The following SERHL2 variants were observed in gnomAD, a reference collection of about 807,000 sequenced individuals.
The protein encoded by SERHL2 is serine hydrolase-like protein 2.
A neutral mutation model predicts 25.5 loss-of-function variants in SERHL2; 29 were observed. The observed-to-expected ratio is 1.14, with a 90% CI of 0.85 to 1.55. The LOEUF is 1.55. Among genes scored for constraint, SERHL2 ranks in the 40% most tolerant of loss-of-function variants. The pLI, the probability that SERHL2 is intolerant of heterozygous loss-of-function variation, is 0.00. For missense variants in SERHL2, 240 were observed against 252.3 expected (o/e 0.95, Z 0.33); for synonymous variants, 95 against 103.5 (o/e 0.92, Z 0.50).
rs199947066 is a variant in SERHL2, at chr22:42,566,333, G to A, written c.643G>A (p.Ala215Thr). 4.7e-5 allele frequency: 76 copies of A among 1,611,580 alleles called. 2 individuals are homozygous for A. Among genetic ancestry groups the A allele is most frequent in the Admixed American group, 5.0e-5 (3 of 59,982 alleles). The change falls in exon 9 of 12, where the codon GCC (alanine) becomes ACC (threonine). Residue 215 changes from alanine to threonine, a missense_variant. Coordinates refer to ENST00000327678, the MANE Select transcript of SERHL2 (RefSeq NM_014509.5). The stretch of plus-strand genomic sequence containing the variant: ...GGTTCTGAACAGAGACCAGAGGCTC[G>A]CCTGGGTGAGTACCACTGCCTCCGG... ...GLVLNRDQRL[A>T]WAENSIDFIS...
chr22:42,564,634 T>G (rs1346075379), intron 8 of SERHL2, among the ~76,000 whole-genome samples: 2 of 151,826 alleles, frequency 1.3e-5, no homozygotes, highest in African/African-American at 2.4e-5. Context: ...GTTCACCATG[T>G]TGGCCAGGCT....
At chr22:42,570,253 C>T (rs891767721) in intron 9 of SERHL2, among the ~76,000 whole-genome samples, 11 of 151,982 alleles carry the variant, frequency 7.2e-5, no homozygotes, top group Non-Finnish European at 1.6e-4. Flanking sequence ...GAAACCCTGT[C>T]GCTACTAAAA....
At chr22:42,571,623 G>A (rs893778174) in intron 10 of SERHL2, 85 of 258,736 alleles carry the variant, frequency 3.3e-4, no homozygotes, top group African/African-American at 1.7e-3. Context: ...ACGAGGTTTC[G>A]CCATGTTGGC....
chr22:42,566,543 G>A lies in SERHL2; in HGVS notation c.648+205G>A, dbSNP rs1307587557. Among the ~76,000 whole-genome samples, 7 of 147,454 alleles carry A rather than the reference G, an allele frequency of 4.7e-5. 1 individual carries two copies. Among genetic ancestry groups the A allele is most frequent in the Admixed American group, 2.0e-4 (3 of 14,716 alleles). On this transcript the variant is annotated intron_variant, in intron 9 of 11. Coordinates refer to ENST00000327678, the MANE Select transcript of SERHL2 (RefSeq NM_014509.5). Reference sequence around the variant, plus strand: ...TGCACTGCAGCCTGGGCGACAGAGCGAGACTCCATCTCAAGAAAAAAAAAA... The same window carrying A: ...TGCACTGCAGCCTGGGCGACAGAGCAAGACTCCATCTCAAGAAAAAAAAAA...
intron 9 of SERHL2, among the ~76,000 whole-genome samples, chr22:42,568,529 A>T (rs1569281716): frequency 6.6e-6 from 1 of 151,924 alleles, no homozygotes; most frequent in Non-Finnish European, 1.5e-5. Flanking sequence ...CTGTAGTGGG[A>T]GCTGTGATCA....
chr22:42,567,416 G>A (rs986502490), intron 9 of SERHL2, among the ~76,000 whole-genome samples: 4 of 151,926 alleles, frequency 2.6e-5, no homozygotes, highest in African/African-American at 9.7e-5. Flanking sequence ...TGTAGTCCCA[G>A]CACTTTGGGA....
At chr22:42,554,478 G>C (rs534431219) in intron 1 of SERHL2, among the ~76,000 whole-genome samples, 140 of 152,260 alleles carry the variant, frequency 9.2e-4, no homozygotes, top group East Asian at 3.7e-3. Context: ...AGTGACAGTG[G>C]TCCCACCTGC....
intron 1 of SERHL2, 120 bp downstream of exon 1, chr22:42,554,162 T>C: frequency 8.0e-7 from 1 of 1,256,608 alleles, no homozygotes; most frequent in Non-Finnish European, 1.1e-6. Context: ...GTGTCGCAGC[T>C]CCTTCCTCGG....
chr22:42,572,859 G>A (rs1924427948), intron 11 of SERHL2: 1 of 370,602 alleles, frequency 2.7e-6, no homozygotes, highest in South Asian at 1.1e-4. Context: ...TTTAAGAGAT[G>A]GGGTTTCACC....
intron 8 of SERHL2, 126 bp from the exon 9 acceptor site, chr22:42,566,178 G>A (rs559229417): frequency 1.4e-5 from 13 of 899,190 alleles, no homozygotes; most frequent in South Asian, 5.8e-5. Context: ...AGCTGAGGAC[G>A]TCGGGGGCAG....
rs1601867184 is a variant in SERHL2 at position 42,573,831 on chromosome 22, C to G, written c.826-105C>G. ...AACTCACTGTGGGAGGCGCTCCTGA[C>G]CTGCAGGGAGCTGGAATGCTGTGGG... On this transcript the variant is annotated intron_variant, in intron 11 of 11. Coordinates refer to ENST00000327678, the MANE Select transcript of SERHL2 (RefSeq NM_014509.5). The G allele has an allele frequency of 3.7e-6, 4 of 1,073,280 alleles. No individual in the cohort carries two copies. In the Middle Eastern group the frequency reaches 1.2e-3, roughly 317 times the overall value. 66.5% of individuals were successfully genotyped at this position (1,073,280 alleles called of 1,614,324 possible). A position where few individuals can be genotyped will look rare whatever the true frequency, so the allele number is the denominator to read the frequency against.
intron 11 of SERHL2, 41 bp from the exon 12 acceptor site, chr22:42,573,895 C>T (rs750868604): frequency 2.5e-6 from 4 of 1,590,148 alleles, no homozygotes; most frequent in Non-Finnish European, 3.4e-6. Flanking sequence ...TCCCTAGGCT[C>T]CTCTGGCCAC....
rs1037535254 is a variant in SERHL2, at chr22:42,572,697, G to A, written c.825+168G>A. On this transcript the variant is annotated intron_variant, in intron 11 of 11. Transcript: ENST00000327678. ...GCTCCACTGTGGTCAGTCCCTAGAGGCCTAGGGACACATGTAATCAGAATT... is the reference window on the plus strand; with the variant it reads ...GCTCCACTGTGGTCAGTCCCTAGAGACCTAGGGACACATGTAATCAGAATT... 1.0e-5 allele frequency: 10 copies of A among 984,348 alleles called. No individual in the cohort carries two copies. The Admixed American group carries it at 1.8e-4, about 18-fold the overall frequency. The allele number at this position is 984,348 out of a possible 1,614,324, so 61.0% of individuals were successfully genotyped here. A position where few individuals can be genotyped will look rare whatever the true frequency, so the allele number is the denominator to read the frequency against.
At chr22:42,559,228 T>TAAAA (rs1316297581) in intron 7 of SERHL2, among the ~76,000 whole-genome samples, 1 of 61,898 alleles carries the variant, frequency 1.6e-5, no homozygotes, top group South Asian at 4.9e-4. Flanking sequence ...GACCCTGTAT[T>TAAAA]TAAAAAAAAA....
At chr22:42,563,543 G>T in intron 8 of SERHL2, 1 of 307,190 alleles carries the variant, frequency 3.3e-6, no homozygotes, top group Admixed American at 4.0e-5. Flanking sequence ...TCTGGCCCCT[G>T]AAGCCCCGTG....
Position 42,572,660 on chromosome 22 carries a change from A to G in SERHL2, c.825+131A>G, listed in dbSNP as rs1924396964. On this transcript the variant is annotated intron_variant, in intron 11 of 11. Transcript: ENST00000327678. The stretch of plus-strand genomic sequence containing the variant: ...GCCCAACAAGTGACCACCAGGATCT[A>G]TCAGGCCTCATGCTCCACTGTGGTC... The G allele has an allele frequency of 9.8e-6, 14 of 1,435,312 alleles. No homozygotes were observed. The East Asian group carries it at 3.1e-4, about 32-fold the overall frequency. 88.9% of individuals were successfully genotyped at this position (1,435,312 alleles called of 1,614,324 possible).
rs548213147 is a variant in SERHL2, at chr22:42,568,312, T to G, written c.648+1974T>G. 4.3e-3 allele frequency among the ~76,000 whole-genome samples: 645 copies of G among 151,242 alleles called. 2 individuals are homozygous for G. Among genetic ancestry groups the G allele is most frequent in the African/African-American group, 0.015 (599 of 41,074 alleles). ...TACTGGGATTACAGGTGTGAGCCACTGCAGCCAGCCATTGTAATTGTTTTT... is the reference window on the plus strand; with the variant it reads ...TACTGGGATTACAGGTGTGAGCCACGGCAGCCAGCCATTGTAATTGTTTTT... On this transcript the variant is annotated intron_variant, in intron 9 of 11. Transcript: ENST00000327678.
chr22:42,559,510 G>C (rs1423272512), intron 7 of SERHL2, among the ~76,000 whole-genome samples: 1 of 151,714 alleles, frequency 6.6e-6, no homozygotes, highest in African/African-American at 2.4e-5. Flanking sequence ...GAACATCATG[G>C]CTAAGATGGT....
rs573902936 is a variant in SERHL2 at position 42,572,716 on chromosome 22, C to T, written c.825+187C>T. The T allele has an allele frequency of 1.4e-4, 140 of 984,902 alleles. 6 individuals are homozygous for T. Among genetic ancestry groups the T allele is most frequent in the Non-Finnish European group, 3.3e-5 (27 of 829,568 alleles). The allele number at this position is 984,902 out of a possible 1,614,324, so 61.0% of individuals were successfully genotyped here. A position where few individuals can be genotyped will look rare whatever the true frequency, so the allele number is the denominator to read the frequency against. On this transcript the variant is annotated intron_variant, in intron 11 of 11. Transcript: ENST00000327678. ...CTAGAGGCCTAGGGACACATGTAAT[C>T]AGAATTAAGGAAACAGAGACCTTTG...
Sources: allele counts gnomAD v4.1 joint callset (sites outside exome capture counted in the v4.1 genomes callset), GRCh38; gene constraint gnomAD v4.1.1; transcripts MANE v1.5; gene names NCBI Gene and HGNC (gene_info 2026-07-23, HGNC 2026-07-21).